P2RX7: variants seen among roughly 807,000 people sequenced by gnomAD.
P2RX7 encodes P2X purinoceptor 7.
In P2RX7, 62 loss-of-function variants were observed where a neutral mutation model predicts 71.6. The observed-to-expected ratio is 0.87, with a 90% CI of 0.71 to 1.07. P2RX7 has a LOEUF of 1.07. P2RX7 is among the 50% of genes least tolerant of loss of function. The pLI is 0.00. For synonymous variants in P2RX7, 299 were observed against 283.3 expected (o/e 1.06, Z -0.56); for missense variants, 686 against 748.5 (o/e 0.92, Z 0.97).
In P2RX7 at chr12:121,162,438, A is replaced by G; in HGVS notation, c.451A>G (p.Arg151Gly). The change falls in exon 5 of 13, where the codon AGG becomes GGG. Residue 151 changes from arginine (R) to glycine (G), a missense_variant. Transcript: ENST00000328963. ...GACCCCTATAGGAATTCAGACCGGA[A>G]GGTGTGTAGTGTATGAAGGGAACCA... ...DPQSKGIQTG[R>G]CVVYEGNQKT... is the part of the protein sequence containing the mutation. 1 of 1,613,926 alleles carries G rather than the reference A, an allele frequency of 6.2e-7. No homozygotes were observed. Among genetic ancestry groups the G allele is most frequent in the Non-Finnish European group, 8.5e-7 (1 of 1,179,942 alleles).
At chr12:121,135,413 T>A (rs1038541870) in intron 1 of P2RX7, among the ~76,000 whole-genome samples, 6 of 151,948 alleles carry the variant, frequency 3.9e-5, no homozygotes, top group Non-Finnish European at 8.8e-5. Flanking sequence ...TATGTATTTT[T>A]ATCTATATCC....
Position 121,186,053 on chromosome 12 carries a change from C to CAA in P2RX7, c.*1264_*1265dup, listed in dbSNP as rs3078950. Reference sequence around the variant, plus strand: ...TGGGTGACAGAGCGAGACTCCATCTCAAAAAAAAAAAAAAGAAAAAAAAAA... The same window carrying CAA: ...TGGGTGACAGAGCGAGACTCCATCTCAAAAAAAAAAAAAAAAGAAAAAAAAAA... On this transcript the variant is annotated 3_prime_UTR_variant, in exon 13 of 13. Coordinates refer to ENST00000328963, the MANE Select transcript of P2RX7 (RefSeq NM_002562.6). 1,640 of 86,606 alleles carry CAA rather than the reference C, an allele frequency of 0.019. 37 individuals carry two copies. The highest frequency in any genetic ancestry group is 0.067 in the African/African-American group (1,525 of 22,866). 5.4% of individuals were successfully genotyped at this position (86,606 alleles called of 1,614,324 possible). A position where few individuals can be genotyped will look rare whatever the true frequency, so the allele number is the denominator to read the frequency against.
intron 3 of P2RX7, among the ~76,000 whole-genome samples, chr12:121,157,429 G>A (rs1466181857): frequency 6.6e-6 from 1 of 152,220 alleles, no homozygotes; most frequent in African/African-American, 2.4e-5. Context: ...TAAAAGGAGA[G>A]CTTTCTACAT....
intron 1 of P2RX7, among the ~76,000 whole-genome samples, chr12:121,145,722 G>A (rs528820290): frequency 1.4e-3 from 219 of 152,026 alleles, no homozygotes; most frequent in Admixed American, 4.1e-3. Context: ...TGGCCAGGCT[G>A]GTCTCAAACT....
intron 1 of P2RX7, among the ~76,000 whole-genome samples, chr12:121,135,712 T>C (rs1045401661): frequency 1.3e-5 from 2 of 151,872 alleles, no homozygotes; most frequent in Non-Finnish European, 2.9e-5. Flanking sequence ...ATGATAAACA[T>C]ATATGCTGGG....
intron 1 of P2RX7, among the ~76,000 whole-genome samples, chr12:121,138,508 A>G (rs1024881014): frequency 6.6e-6 from 1 of 152,252 alleles, no homozygotes; most frequent in Non-Finnish European, 1.5e-5. Flanking sequence ...CTCCCGTAGC[A>G]GGAAGTAGGG....
Position 121,154,718 on chromosome 12 carries a change from C to T in P2RX7, c.126-67C>T, listed in dbSNP as rs1878202127. On this transcript the variant is annotated intron_variant, in intron 1 of 12. Coordinates refer to ENST00000328963, the MANE Select transcript of P2RX7 (RefSeq NM_002562.6). This position sits in a 1 kb window ranked among gnomAD's most constrained non-coding sequence, Gnocchi z 4.2. The stretch of plus-strand genomic sequence containing the variant: ...ATTGGAACAGAAGTGCCTGCATCCT[C>T]CAACGCCTGCATCCCAACCCGCTGT... 4.5e-5 allele frequency: 46 copies of T among 1,017,908 alleles called. 1 individual carries two copies. The South Asian group carries it at 5.4e-4, about 12-fold the overall frequency. The allele number at this position is 1,017,908 out of a possible 1,614,324, so 63.1% of individuals were successfully genotyped here.
Position 121,184,549 on chromosome 12 carries a change from T to C in P2RX7, c.1535T>C (p.Leu512Pro), listed in dbSNP as rs750472264. The stretch of plus-strand genomic sequence containing the variant: ...GGGGCCTGCATCACCACCTCAGAGC[T>C]GTTCAGGAAGCTGGTCCTGTCCAGA... ...KPGACITTSE[L>P]FRKLVLSRHV... Residue 512 changes from leucine (L) to proline (P), a missense_variant, in exon 13 of 13, where the codon CTG (leucine) becomes CCG (proline). Physicochemically the swap from Leu to Pro is moderately conservative, Grantham distance 98. Coordinates refer to ENST00000328963, the MANE Select transcript of P2RX7 (RefSeq NM_002562.6). 1 of 1,614,226 alleles carries C rather than the reference T, an allele frequency of 6.2e-7. No individual in the cohort carries two copies. The highest frequency in any genetic ancestry group is 8.5e-7 in the Non-Finnish European group (1 of 1,180,036).
chr12:121,167,288 G>C (rs952816008), intron 7 of P2RX7, among the ~76,000 whole-genome samples, 200 bp from the exon 8 acceptor site: 1 of 152,074 alleles, frequency 6.6e-6, no homozygotes, highest in Admixed American at 6.6e-5. Context: ...TGTCCCAGAC[G>C]GGGGTAGGGA....
At position 121,154,452 on chromosome 12, in the gene P2RX7, C is replaced by A. The variant is rs1163351423; in HGVS notation, c.126-333C>A. Among the ~76,000 whole-genome samples the A allele has an allele frequency of 6.6e-6, 1 of 152,126 alleles. No individual in the cohort carries two copies. The highest frequency in any genetic ancestry group is 1.5e-5 in the Non-Finnish European group (1 of 68,032). The stretch of plus-strand genomic sequence containing the variant: ...AGCTGGCGAACCCACCGGGGCGAGA[C>A]TTTATGACTTGAGAAGCTGTCCTAT... On this transcript the variant is annotated intron_variant, in intron 1 of 12. Transcript: ENST00000328963. The surrounding 1 kb of genome is among the most constrained non-coding windows in gnomAD (Gnocchi z 4.2).
intron 3 of P2RX7, among the ~76,000 whole-genome samples, chr12:121,157,022 T>C (rs1378007026): frequency 6.6e-6 from 1 of 152,186 alleles, no homozygotes; most frequent in Non-Finnish European, 1.5e-5. Context: ...GTATTTGTCC[T>C]ATTCTTTACC....
chr12:121,171,909 T>C (rs1188973806), intron 8 of P2RX7, among the ~76,000 whole-genome samples: 1 of 147,836 alleles, frequency 6.8e-6, no homozygotes, highest in African/African-American at 2.5e-5. Context: ...TCCCCCAGGC[T>C]GGAGTGCAGT....
At position 121,184,312 on chromosome 12, in the gene P2RX7, C is replaced by A. The variant is rs28360459; in HGVS notation, c.1298C>A (p.Ala433Glu). 6 of 1,601,544 alleles carry A rather than the reference C, an allele frequency of 3.7e-6. No homozygotes were observed. The highest frequency in any genetic ancestry group is 1.1e-5 in the South Asian group (1 of 90,044). Residue 433 changes from alanine (A) to glutamate (E), a missense_variant, in exon 13 of 13, where the codon GCG becomes GAG. Transcript: ENST00000328963. Reference sequence around the variant, plus strand: ...GGAAACTTGCTTTTTCAGAGACCTGCGATGGACTTCACAGATTTGTCCAGG... The same window carrying A: ...GGAAACTTGCTTTTTCAGAGACCTGAGATGGACTTCACAGATTTGTCCAGG... The part of the protein sequence containing the change: ...DVKGQEVPRP[A>E]MDFTDLSRLP...
rs997331275 is a variant in P2RX7 at position 121,187,115 on chromosome 12, C to T, written c.*2313C>T. On this transcript the variant is annotated 3_prime_UTR_variant, in exon 13 of 13. Coordinates refer to ENST00000328963, the MANE Select transcript of P2RX7 (RefSeq NM_002562.6). ...GGATTTCCTTTTCCTGGTTTGGTCACTAGAGTTGGCTATTTATCTGTTTCT... is the reference window on the plus strand; with the variant it reads ...GGATTTCCTTTTCCTGGTTTGGTCATTAGAGTTGGCTATTTATCTGTTTCT... The T allele has an allele frequency of 2.0e-5, 3 of 152,172 alleles. No homozygotes were observed. Among genetic ancestry groups the T allele is most frequent in the African/African-American group, 7.2e-5 (3 of 41,440 alleles). The allele number at this position is 152,172 out of a possible 1,614,324, so 9.4% of individuals were successfully genotyped here. A position where few individuals can be genotyped will look rare whatever the true frequency, so the allele number is the denominator to read the frequency against.
intron 8 of P2RX7, among the ~76,000 whole-genome samples, chr12:121,172,006 T>C (rs868241956): frequency 6.6e-6 from 1 of 151,738 alleles, no homozygotes; most frequent in African/African-American, 2.4e-5. Context: ...GGACTACAGG[T>C]GCCCGCCACC....
In P2RX7 at chr12:121,185,592, G is replaced by A. The variant is rs1266764309; in HGVS notation, c.*790G>A. Reference sequence around the variant, plus strand: ...ATTCTTTGACACTCAAGTCCCCCAAGACCTAAGGGTTTTATCTCCTCCCCT... The same window carrying A: ...ATTCTTTGACACTCAAGTCCCCCAAAACCTAAGGGTTTTATCTCCTCCCCT... On this transcript the variant is annotated 3_prime_UTR_variant, in exon 13 of 13. Coordinates refer to ENST00000328963, the MANE Select transcript of P2RX7 (RefSeq NM_002562.6). The A allele has an allele frequency of 1.3e-5, 2 of 152,616 alleles. No individual in the cohort carries two copies. Among genetic ancestry groups the A allele is most frequent in the Non-Finnish European group, 2.9e-5 (2 of 68,040 alleles). 9.5% of individuals were successfully genotyped at this position (152,616 alleles called of 1,614,324 possible).
intron 4 of P2RX7, among the ~76,000 whole-genome samples, chr12:121,161,611 G>A (rs1019043852): frequency 1.2e-4 from 18 of 151,632 alleles, no homozygotes; most frequent in African/African-American, 4.4e-4. Flanking sequence ...GGAAAACATG[G>A]TGAAACCCCG....
chr12:121,166,405 T>C (rs370838158), intron 7 of P2RX7, among the ~76,000 whole-genome samples: 1 of 152,236 alleles, frequency 6.6e-6, no homozygotes, highest in African/African-American at 2.4e-5. Context: ...ATTCCTTTCC[T>C]GTGGCTGCTG....
In P2RX7 at chr12:121,184,781, T is replaced by C. The variant is rs1884705621; in HGVS notation, c.1767T>C (p.Ser589=). 7 of 1,548,452 alleles carry C rather than the reference T, an allele frequency of 4.5e-6. No homozygotes were observed. Among genetic ancestry groups the C allele is most frequent in the Non-Finnish European group, 6.1e-6 (7 of 1,145,252 alleles). Residue 589 remains serine, a synonymous_variant, in exon 13 of 13, where the codon AGT becomes AGC. Transcript: ENST00000328963. ...TTCCGAAGAGTGAAGGGCAGTACAG[T>C]GGCTTCAAGAGTCCTTACTGAAGCC... The part of the protein sequence containing the change: ...KEFPKSEGQY[S]GFKSPY
Sources: allele counts gnomAD v4.1 joint callset (sites outside exome capture counted in the v4.1 genomes callset), GRCh38; gene constraint gnomAD v4.1.1; non-coding constraint Gnocchi (gnomAD v3.1); transcripts MANE v1.5; gene names NCBI Gene and HGNC (gene_info 2026-07-23, HGNC 2026-07-21).